Variants in MED16 observed in about 807,000 individuals in gnomAD.
MED16 encodes the protein mediator of RNA polymerase II transcription subunit 16.
A neutral mutation model predicts 84.4 loss-of-function variants in MED16; 81 were observed. That is an observed-to-expected ratio of 0.96 (90% CI 0.80 to 1.15). The LOEUF (loss-of-function observed/expected upper bound fraction) is 1.15, where lower values mean the gene tolerates loss of function less well. Ranked by LOEUF, MED16 falls within the 50% of genes most tolerant of loss-of-function variation. The pLI, the probability that MED16 is intolerant of heterozygous loss-of-function variation, is 0.00. For missense variants in MED16, 1,585 were observed against 1,245.9 expected, an observed-to-expected ratio of 1.27 and a Z score of -4.10; for synonymous variants, 897 against 552.2, an observed-to-expected ratio of 1.62 and a Z score of -8.76.
intron 4 of MED16, among the ~76,000 whole-genome samples, chr19:887,426 G>A (rs1051556213): frequency 2.6e-5 from 4 of 152,130 alleles, no homozygotes; most frequent in African/African-American, 9.7e-5. Flanking sequence ...TCAGCACTTT[G>A]GGAGGCCGAG....
At chr19:869,079 T>C in intron 13 of MED16, 133 bp from the exon 14 acceptor site, 3 of 769,240 alleles carry the variant, frequency 3.9e-6, no homozygotes, top group Non-Finnish European at 6.0e-6. Flanking sequence ...CCCAGATGTC[T>C]GTGAACAGTG....
At chr19:871,770 GGA>G (rs2036066572) in intron 12 of MED16, 154 bp downstream of exon 12, 4 of 444,780 alleles carry the variant, frequency 9.0e-6, no homozygotes, top group African/African-American at 3.5e-5. Context: ...AGGGGAGCGG[GGA>G]GAGGGGAGAG....
At chr19:888,553 C>G (rs974148124) in intron 4 of MED16, among the ~76,000 whole-genome samples, 10 of 150,356 alleles carry the variant, frequency 6.7e-5, no homozygotes, top group African/African-American at 2.2e-4. Context: ...AGATAAAGGT[C>G]TGAGGTTAGC....
chr19:885,433 ACT>A (rs1176135329), intron 5 of MED16, among the ~76,000 whole-genome samples: 1 of 151,992 alleles, frequency 6.6e-6, no homozygotes, highest in Non-Finnish European at 1.5e-5. Context: ...GGTTCGGGAC[ACT>A]GAGACGGGAG....
chr19:881,743 A>C, intron 6 of MED16, 29 bp from the exon 7 acceptor site: 1 of 1,603,232 alleles, frequency 6.2e-7, no homozygotes, highest in Non-Finnish European at 8.5e-7. Context: ...GAAAACAGGA[A>C]GGCAATGGAG....
At chr19:889,163 C>T (rs2036582712) in intron 4 of MED16, among the ~76,000 whole-genome samples, 1 of 143,156 alleles carries the variant, frequency 7.0e-6, no homozygotes, top group African/African-American at 2.8e-5. Flanking sequence ...CCCCCCAACC[C>T]TGGCCACGCC....
chr19:871,545 T>G, intron 12 of MED16: 1 of 1,583,944 alleles, frequency 6.3e-7, no homozygotes, highest in Non-Finnish European at 8.5e-7. Flanking sequence ...GATGTAAGAA[T>G]GACACAGCTC....
intron 12 of MED16, 80 bp from the exon 13 acceptor site, chr19:871,333 C>T (rs2036048723): frequency 7.0e-7 from 1 of 1,418,960 alleles, no homozygotes; most frequent in African/African-American, 1.4e-5. Context: ...GGGAGCCCCT[C>T]CAGTTCAGGA....
intron 8 of MED16, among the ~76,000 whole-genome samples, chr19:878,505 C>G (rs2036322769): frequency 6.8e-6 from 1 of 147,112 alleles, no homozygotes; most frequent in Non-Finnish European, 1.5e-5. Flanking sequence ...CCACCAGCCC[C>G]AGCCCCACGT....
chr19:875,907 G>A (rs974746463), intron 9 of MED16, among the ~76,000 whole-genome samples: 3 of 152,192 alleles, frequency 2.0e-5, no homozygotes, highest in Non-Finnish European at 4.4e-5. Flanking sequence ...TGGAGGCTGG[G>A]AGTTGGAGAG....
chr19:887,311 G>A (rs537069011), intron 4 of MED16, among the ~76,000 whole-genome samples: 4 of 152,236 alleles, frequency 2.6e-5, no homozygotes, highest in East Asian at 1.9e-4. Context: ...TGTGTGGGTC[G>A]CAGGCTGGCA....
At chr19:879,845 T>C in intron 8 of MED16, 92 bp downstream of exon 8, 1 of 1,062,350 alleles carries the variant, frequency 9.4e-7, no homozygotes, top group Non-Finnish European at 1.3e-6. Flanking sequence ...CCCCAGCAGC[T>C]CACCTTCCCC....
chr19:872,358 A>G (rs1325311421), intron 11 of MED16, among the ~76,000 whole-genome samples: 4 of 151,994 alleles, frequency 2.6e-5, no homozygotes, highest in Non-Finnish European at 5.9e-5. Flanking sequence ...GAGAGTCCAC[A>G]AGACTAAGAC....
chr19:881,768 G>C (rs2036426994), intron 6 of MED16, 54 bp from the exon 7 acceptor site: 2 of 1,575,986 alleles, frequency 1.3e-6, no homozygotes, highest in Non-Finnish European at 1.7e-6. Context: ...GACAGGCTGA[G>C]ACAGCCGCAG....
intron 11 of MED16, chr19:872,953 G>C: frequency 1.0e-6 from 1 of 994,866 alleles, no homozygotes; most frequent in Non-Finnish European, 1.2e-6. Flanking sequence ...AGGTGGGGGA[G>C]GGCTCCGAGG....
chr19:881,919 G>A (rs961357332), intron 6 of MED16, among the ~76,000 whole-genome samples: 9 of 152,196 alleles, frequency 5.9e-5, no homozygotes, highest in African/African-American at 1.9e-4. Context: ...GGATGGGCAC[G>A]TGACCCAAGG....
chr19:891,239 G>A (rs1281266275), intron 1 of MED16, 90 bp from the exon 2 acceptor site: 5 of 1,299,492 alleles, frequency 3.8e-6, no homozygotes, highest in East Asian at 2.4e-5. Context: ...AACAATGGAG[G>A]CCCGTGGTAG....
At chr19:885,544 T>C (rs1195758642) in intron 5 of MED16, among the ~76,000 whole-genome samples, 1 of 152,052 alleles carries the variant, frequency 6.6e-6, no homozygotes, top group Non-Finnish European at 1.5e-5. Context: ...GGCTGCGCTG[T>C]GGCCACGAAG....
rs148290750 is a variant in MED16, at chr19:880,065, C to A, written c.1225G>T (p.Ala409Ser). 6 of 1,611,098 alleles carry A rather than the reference C, an allele frequency of 3.7e-6. No individual in the cohort carries two copies. In the African/African-American group the frequency reaches 8.0e-5, roughly 22 times the overall value. Residue 409 changes from alanine (A) to serine (S), a missense_variant, in exon 8 of 16, where the codon GCG becomes TCG. Physicochemically the swap from Ala to Ser is moderately conservative, Grantham distance 99. Coordinates refer to ENST00000325464, the MANE Select transcript of MED16 (RefSeq NM_005481.3). ...LQTMAVFYSS[A>S]APRPVDEPAM... is the part of the protein sequence containing the mutation. The stretch of plus-strand genomic sequence containing the variant: ...GGCTCATCCACAGGCCTCGGGGCCG[C>A]GGAGCTGTAGAAGACGGCCATGGTC...
Sources: allele counts gnomAD v4.1 joint callset (sites outside exome capture counted in the v4.1 genomes callset), GRCh38; gene constraint gnomAD v4.1.1; transcripts MANE v1.5; gene names NCBI Gene and HGNC (gene_info 2026-07-23, HGNC 2026-07-21).